FAR1: variants seen among roughly 807,000 people sequenced by gnomAD.
FAR1 encodes the protein male sterility domain-containing protein 2.
In FAR1, 22 loss-of-function variants were observed where a neutral mutation model predicts 61.1. The observed-to-expected ratio is 0.36, with a 90% CI of 0.26 to 0.51. The LOEUF (loss-of-function observed/expected upper bound fraction) is 0.51, where lower values mean the gene tolerates loss of function less well. FAR1 is among the 20% of genes least tolerant of loss of function. FAR1 has a pLI of 0.95. For missense variants in FAR1, 359 were observed against 626.9 expected, an observed-to-expected ratio of 0.57 and a Z score of 4.56; for synonymous variants, 206 against 209.7, an observed-to-expected ratio of 0.98 and a Z score of 0.15.
At chr11:13,695,026 C>T in intron 2 of FAR1, 72 bp downstream of exon 2, 1 of 1,223,826 alleles carries the variant, frequency 8.2e-7, no homozygotes, top group Non-Finnish European at 1.1e-6. Flanking sequence ...TTGTAGTCGT[C>T]AATAGCTTGG....
intron 10 of FAR1, among the ~76,000 whole-genome samples, chr11:13,723,000 GA>G (rs1308352176): frequency 1.3e-5 from 2 of 151,936 alleles, no homozygotes; most frequent in Non-Finnish European, 2.9e-5. Context: ...GTTTTGTAGT[GA>G]ATTCTGAGTT....
intron 1 of FAR1, among the ~76,000 whole-genome samples, chr11:13,672,658 A>G (rs1250746432): frequency 3.1e-4 from 46 of 147,568 alleles, no homozygotes; most frequent in Admixed American, 3.1e-3. Context: ...TTGGGGTAGG[A>G]GAGAAGATAG....
In FAR1 at chr11:13,711,822, T is replaced by C; in HGVS notation, c.768+14T>C. ...CTCTTTATTGCGGTAAGTAAACCTT[T>C]TGATTTATTTAATATTCTATACATT... On this transcript the variant is annotated intron_variant, in intron 6 of 11. Transcript: ENST00000354817. The C allele has an allele frequency of 6.3e-7, 1 of 1,590,812 alleles. No homozygotes were observed. The highest frequency in any genetic ancestry group is 1.1e-5 in the South Asian group (1 of 88,352).
Position 13,730,451 on chromosome 11 carries a change from C to G in FAR1, c.*1677C>G, listed in dbSNP as rs556658069. On this transcript the variant is annotated 3_prime_UTR_variant, in exon 12 of 12. Transcript: ENST00000354817. ...ATTCTTTGGAATGATACTAAAGTCT[C>G]TGGTCTAGGACCATACCTTATATAA... 7.5e-4 allele frequency: 114 copies of G among 152,348 alleles called. No individual in the cohort carries two copies. The highest frequency in any genetic ancestry group is 2.6e-3 in the African/African-American group (109 of 41,538). The allele number at this position is 152,348 out of a possible 1,614,324, so 9.4% of individuals were successfully genotyped here. A position where few individuals can be genotyped will look rare whatever the true frequency, so the allele number is the denominator to read the frequency against.
chr11:13,689,143 C>T (rs1848220075), intron 1 of FAR1, among the ~76,000 whole-genome samples: 1 of 152,096 alleles, frequency 6.6e-6, no homozygotes, highest in Admixed American at 6.5e-5. Flanking sequence ...CATATGATCC[C>T]TGTTTGTTTT....
At chr11:13,716,900 T>G (rs374474743) in intron 9 of FAR1, among the ~76,000 whole-genome samples, 224 of 151,850 alleles carry the variant, frequency 1.5e-3, no homozygotes, top group African/African-American at 5.2e-3. Flanking sequence ...CATTAACTTG[T>G]CATTTACATT....
intron 7 of FAR1, 39 bp from the exon 8 acceptor site, chr11:13,712,926 CT>C (rs1565349697): frequency 6.4e-7 from 1 of 1,558,078 alleles, no homozygotes; most frequent in Non-Finnish European, 8.8e-7. Context: ...TATGTTTGGC[CT>C]CTTATTATGA....
At chr11:13,710,422 A>C (rs1347907699) in intron 4 of FAR1, among the ~76,000 whole-genome samples, 1 of 152,094 alleles carries the variant, frequency 6.6e-6, no homozygotes, top group Non-Finnish European at 1.5e-5. Context: ...ACCATAAGTC[A>C]GTGTAGATCA....
intron 1 of FAR1, among the ~76,000 whole-genome samples, chr11:13,693,233 G>A (rs1246364074): frequency 2.0e-5 from 3 of 152,188 alleles, no homozygotes; most frequent in African/African-American, 7.2e-5. Flanking sequence ...TTTTAAGAAA[G>A]TTTATGAATT....
At chr11:13,690,588 A>G (rs1848238511) in intron 1 of FAR1, among the ~76,000 whole-genome samples, 1 of 152,184 alleles carries the variant, frequency 6.6e-6, no homozygotes, top group South Asian at 2.1e-4. Flanking sequence ...CTATATGGAT[A>G]ATTGACTCTG....
intron 3 of FAR1, among the ~76,000 whole-genome samples, chr11:13,701,297 G>A (rs1026934562): frequency 2.3e-4 from 35 of 152,146 alleles, no homozygotes; most frequent in African/African-American, 7.7e-4. Context: ...CTCTAACAAA[G>A]AAATGATAAG....
At chr11:13,689,437 T>C (rs1848224004) in intron 1 of FAR1, among the ~76,000 whole-genome samples, 1 of 152,194 alleles carries the variant, frequency 6.6e-6, no homozygotes, top group Non-Finnish European at 1.5e-5. Context: ...AGCTCAACGC[T>C]CCCTTTGTGA....
intron 5 of FAR1, 57 bp downstream of exon 5, chr11:13,710,927 CTG>C (rs1848491670): frequency 1.4e-6 from 2 of 1,474,992 alleles, no homozygotes; most frequent in South Asian, 1.2e-5. Context: ...AGTTGTAACT[CTG>C]TATAAAAAGA....
At chr11:13,725,202 A>G (rs948487190) in intron 10 of FAR1, among the ~76,000 whole-genome samples, 5 of 152,146 alleles carry the variant, frequency 3.3e-5, no homozygotes, top group Admixed American at 6.5e-5. Context: ...ATACCTAGAA[A>G]TAGGATAGCA....
At chr11:13,727,920 T>A (rs1295684841) in intron 11 of FAR1, among the ~76,000 whole-genome samples, 1 of 151,904 alleles carries the variant, frequency 6.6e-6, no homozygotes, top group Non-Finnish European at 1.5e-5. Context: ...GGGCAGCCAG[T>A]TCTATAGATG....
chr11:13,711,881 C>T, intron 6 of FAR1, 47 bp from the exon 7 acceptor site: 1 of 1,548,528 alleles, frequency 6.5e-7, no homozygotes, highest in Non-Finnish European at 8.9e-7. Context: ...AATATATATA[C>T]ACTATGGCTT....
At chr11:13,704,986 A>G (rs936333643) in intron 3 of FAR1, among the ~76,000 whole-genome samples, 1 of 152,220 alleles carries the variant, frequency 6.6e-6, no homozygotes, top group Non-Finnish European at 1.5e-5. Context: ...TATTATCAAC[A>G]TAGATTTCTT....
chr11:13,671,632 A>G (rs967561230), intron 1 of FAR1, among the ~76,000 whole-genome samples: 2 of 152,234 alleles, frequency 1.3e-5, no homozygotes, highest in Non-Finnish European at 2.9e-5. Context: ...ATTGGGTGCT[A>G]CTTTGTGGCA....
At chr11:13,690,036 C>G (rs1039486264) in intron 1 of FAR1, among the ~76,000 whole-genome samples, 2 of 151,874 alleles carry the variant, frequency 1.3e-5, no homozygotes, top group Non-Finnish European at 2.9e-5. Context: ...CCACCACGCC[C>G]GACTAATTTT....
Sources: allele counts gnomAD v4.1 joint callset (sites outside exome capture counted in the v4.1 genomes callset), GRCh38; gene constraint gnomAD v4.1.1; transcripts MANE v1.5; gene names NCBI Gene and HGNC (gene_info 2026-07-23, HGNC 2026-07-21).